The following PKP4 variants were observed in gnomAD, a reference collection of about 807,000 sequenced individuals.
PKP4 encodes plakophilin-4.
In PKP4, 90 loss-of-function variants were observed where a neutral mutation model predicts 145.1. The ratio of observed to expected loss-of-function variants is 0.62; its 90% confidence interval spans 0.52 to 0.74. The LOEUF (loss-of-function observed/expected upper bound fraction) is 0.74. PKP4 is among the 30% of genes least tolerant of loss of function. The probability of loss-of-function intolerance (pLI) is 0.00; values close to 1 mark genes in which losing one functional copy is unlikely to be tolerated. For missense variants in PKP4, 1,340 were observed against 1,482.7 expected, an observed-to-expected ratio of 0.90 and a Z score of 1.58; for synonymous variants, 563 against 577.2, an observed-to-expected ratio of 0.98 and a Z score of 0.35.
intron 3 of PKP4, among the ~76,000 whole-genome samples, chr2:158,591,951 T>C (rs1293100879): frequency 6.6e-6 from 1 of 152,124 alleles, no homozygotes; most frequent in East Asian, 1.9e-4. Flanking sequence ...ACCTGGACAT[T>C]AAAGCTAGAA....
In PKP4 at chr2:158,647,746, T is replaced by A. The variant is rs548344721; in HGVS notation, c.1909+5047T>A. 2.0e-5 allele frequency among the ~76,000 whole-genome samples: 3 copies of A among 152,350 alleles called. No individual in the cohort carries two copies. In the South Asian group the frequency reaches 6.2e-4, roughly 32 times the overall value. On this transcript the variant is annotated intron_variant, in intron 11 of 21. Transcript: ENST00000389759. Reference sequence around the variant, plus strand: ...AGTAAGTGCTGATATATGTGAGTGCTTAGGGTAATTTTTCTTTTATTCCAA... The same window carrying A: ...AGTAAGTGCTGATATATGTGAGTGCATAGGGTAATTTTTCTTTTATTCCAA...
chr2:158,474,167 G>A (rs1692069962), intron 1 of PKP4, among the ~76,000 whole-genome samples: 1 of 152,172 alleles, frequency 6.6e-6, no homozygotes, highest in Non-Finnish European at 1.5e-5. Context: ...CAGATATTCT[G>A]CGTTTTACAC....
intron 8 of PKP4, among the ~76,000 whole-genome samples, chr2:158,633,089 G>A (rs74483167): frequency 5.3e-4 from 81 of 152,310 alleles, no homozygotes; most frequent in African/African-American, 1.7e-3. Flanking sequence ...CTCTTGTGAA[G>A]TAGATTTTCC....
At chr2:158,674,027 C>A in intron 19 of PKP4, 27 bp downstream of exon 19, 2 of 1,217,390 alleles carry the variant, frequency 1.6e-6, no homozygotes, top group Non-Finnish European at 2.4e-6. Context: ...CACTCCTTGG[C>A]GAGAACCTTT....
intron 4 of PKP4, among the ~76,000 whole-genome samples, 179 bp downstream of exon 4, chr2:158,603,283 T>A (rs2050376733): frequency 6.6e-6 from 1 of 152,196 alleles, no homozygotes; most frequent in Non-Finnish European, 1.5e-5. Flanking sequence ...ATTGAGTAAA[T>A]TTGTGTATGT....
At chr2:158,620,882 G>C in intron 4 of PKP4, 108 bp from the exon 5 acceptor site, 2 of 863,496 alleles carry the variant, frequency 2.3e-6, no homozygotes, top group Admixed American at 2.0e-5. Flanking sequence ...TAATAGCCTT[G>C]TATTAGCATA....
intron 4 of PKP4, among the ~76,000 whole-genome samples, chr2:158,607,186 T>G (rs116785578): frequency 2.3e-3 from 357 of 152,334 alleles, no homozygotes; most frequent in African/African-American, 8.2e-3. Context: ...ATGGGATTGA[T>G]CTTCTCATAT....
intron 6 of PKP4, among the ~76,000 whole-genome samples, chr2:158,624,561 A>T (rs376454360): frequency 1.3e-5 from 2 of 152,004 alleles, no homozygotes; most frequent in African/African-American, 4.8e-5. Flanking sequence ...AAAACATTTT[A>T]TGTGCTGTGA....
At chr2:158,621,195 G>A in intron 5 of PKP4, 36 bp from the exon 6 acceptor site, 3 of 1,613,038 alleles carry the variant, frequency 1.9e-6, no homozygotes, top group Non-Finnish European at 1.7e-6. Context: ...TCAGAAGTGT[G>A]TATAATAAAG....
chr2:158,496,486 GTAAACATTCT>G (rs904790084), intron 1 of PKP4, among the ~76,000 whole-genome samples: 2 of 152,170 alleles, frequency 1.3e-5, no homozygotes, highest in African/African-American at 4.8e-5. Flanking sequence ...TCAGTCTCCT[GTAAACATTCT>G]TTTTCCTCAT....
intron 1 of PKP4, among the ~76,000 whole-genome samples, chr2:158,518,528 A>G (rs2042107020): frequency 6.6e-6 from 1 of 152,210 alleles, no homozygotes; most frequent in Non-Finnish European, 1.5e-5. Flanking sequence ...GTGTCATTTC[A>G]CTTTTATCAG....
intron 1 of PKP4, among the ~76,000 whole-genome samples, chr2:158,522,783 G>C (rs1009835597): frequency 6.6e-6 from 1 of 152,238 alleles, no homozygotes; most frequent in Non-Finnish European, 1.5e-5. Context: ...CGCACCGTGC[G>C]CGAGCCAAAG....
chr2:158,638,532 G>A (rs993904875), intron 9 of PKP4, among the ~76,000 whole-genome samples: 1 of 152,114 alleles, frequency 6.6e-6, no homozygotes, highest in Non-Finnish European at 1.5e-5. Context: ...CTTAATGGCT[G>A]TTAGTGACAT....
chr2:158,648,197 TC>T (rs1335156366), intron 11 of PKP4, among the ~76,000 whole-genome samples: 1 of 152,242 alleles, frequency 6.6e-6, no homozygotes, highest in Admixed American at 6.5e-5. Flanking sequence ...AAGTGATTAT[TC>T]ATCCATATAG....
At chr2:158,642,164 G>T (rs2054347457) in intron 10 of PKP4, among the ~76,000 whole-genome samples, 1 of 152,174 alleles carries the variant, frequency 6.6e-6, no homozygotes, top group African/African-American at 2.4e-5. Context: ...TGGGATTACA[G>T]GCGTGTGCCT....
At chr2:158,625,520 T>G in intron 7 of PKP4, 93 bp downstream of exon 7, 1 of 1,051,884 alleles carries the variant, frequency 9.5e-7, no homozygotes. Context: ...TGGAAAAGGC[T>G]CATTCGTGTT....
chr2:158,599,791 A>G (rs528540999), intron 3 of PKP4, among the ~76,000 whole-genome samples: 1 of 152,304 alleles, frequency 6.6e-6, no homozygotes, highest in South Asian at 2.1e-4. Context: ...CCACCACTGT[A>G]TCCACCACAA....
At chr2:158,640,537 C>T in intron 9 of PKP4, 90 bp from the exon 10 acceptor site, 1 of 1,404,296 alleles carries the variant, frequency 7.1e-7, no homozygotes, top group Non-Finnish European at 9.7e-7. Context: ...TTTGTCTCAG[C>T]TGAGCTTTTT....
rs1695907993 is a variant in PKP4, at chr2:158,497,452, G to A, written c.-5-35728G>A. 2.0e-5 allele frequency among the ~76,000 whole-genome samples: 3 copies of A among 152,034 alleles called. No homozygotes were observed. The South Asian group carries it at 6.2e-4, about 32-fold the overall frequency. ...CCCAATGCTAGATAAGAATCACACA[G>A]AGAAAATAGATACTGATTTAGGAGT... On this transcript the variant is annotated intron_variant, in intron 1 of 21. Coordinates refer to ENST00000389759, the MANE Select transcript of PKP4 (RefSeq NM_003628.6).
Sources: allele counts gnomAD v4.1 joint callset (sites outside exome capture counted in the v4.1 genomes callset), GRCh38; gene constraint gnomAD v4.1.1; transcripts MANE v1.5; gene names NCBI Gene and HGNC (gene_info 2026-07-23, HGNC 2026-07-21).